The following PIK3R4 variants were observed in gnomAD, a reference collection of about 807,000 sequenced individuals.
PIK3R4 encodes the protein phosphoinositide 3-kinase regulatory subunit 4.
Under a neutral mutation model 136.5 loss-of-function variants are expected in PIK3R4, and 46 were observed. The ratio of observed to expected loss-of-function variants is 0.34; its 90% CI spans 0.27 to 0.43. The LOEUF (loss-of-function observed/expected upper bound fraction) is 0.43. PIK3R4 is among the 20% of genes least tolerant of loss of function. The probability of loss-of-function intolerance (pLI) is 1.00; values close to 1 mark genes in which losing one functional copy is unlikely to be tolerated. For missense variants in PIK3R4, 1,331 were observed against 1,649.5 expected, an observed-to-expected ratio of 0.81 and a Z score of 3.35; for synonymous variants, 557 against 566.7, an observed-to-expected ratio of 0.98 and a Z score of 0.24.
chr3:130,728,380 G>A (rs2066744431), intron 6 of PIK3R4, 83 bp downstream of exon 6: 5 of 755,850 alleles, frequency 6.6e-6, no homozygotes, highest in East Asian at 2.9e-5. Context: ...AAATTTGGTA[G>A]TATCATCTAT....
At position 130,745,193 on chromosome 3, in the gene PIK3R4, G is replaced by A; in HGVS notation, c.26C>T (p.Ala9Val). Residue 9 changes from alanine (A) to valine (V), a missense_variant, in exon 2 of 20, where the codon GCT becomes GTT. Physicochemically the swap from Ala to Val is moderately conservative, Grantham distance 64. Transcript: ENST00000356763. Reference sequence around the variant, plus strand: ...CTCTACAGAAAGGATCTGGGAGGGAGCAATGCCAGCAAGCTGATTTCCCAT... The same window carrying A: ...CTCTACAGAAAGGATCTGGGAGGGAACAATGCCAGCAAGCTGATTTCCCAT... MGNQLAGI[A>V]PSQILSVESY... is the part of the protein sequence containing the mutation. The A allele has an allele frequency of 1.2e-6, 2 of 1,603,082 alleles. No homozygotes were observed. Among genetic ancestry groups the A allele is most frequent in the Non-Finnish European group, 1.7e-6 (2 of 1,177,954 alleles).
intron 2 of PIK3R4, among the ~76,000 whole-genome samples, chr3:130,742,314 C>T (rs141244289): frequency 1.7e-3 from 258 of 152,166 alleles, no homozygotes; most frequent in South Asian, 2.7e-3. Flanking sequence ...TTGAAGTTTA[C>T]AAAACTATAA....
At position 130,683,538 on chromosome 3, in the gene PIK3R4, A is replaced by C. The variant is rs563668398; in HGVS notation, c.3607+712T>G. On this transcript the variant is annotated intron_variant, in intron 16 of 19. Coordinates refer to ENST00000356763, the MANE Select transcript of PIK3R4 (RefSeq NM_014602.3). ...CTGATCAAATGATAAGTCAAATAAG[A>C]AAAGGGCTCACAGTAATAGCCTTAG... Among the ~76,000 whole-genome samples the C allele has an allele frequency of 1.1e-4, 16 of 152,312 alleles. No individual in the cohort carries two copies. The East Asian group carries it at 2.9e-3, about 28-fold the overall frequency.
chr3:130,688,314 A>G (rs2066499787), intron 14 of PIK3R4, among the ~76,000 whole-genome samples: 1 of 152,244 alleles, frequency 6.6e-6, no homozygotes, highest in African/African-American at 2.4e-5. Flanking sequence ...TGTGAAAAAC[A>G]ACCAACTAGA....
chr3:130,739,748 G>A (rs2066810090), intron 2 of PIK3R4, among the ~76,000 whole-genome samples: 1 of 152,100 alleles, frequency 6.6e-6, no homozygotes, highest in Admixed American at 6.6e-5. Context: ...CTATAGAGGG[G>A]AGACAATTTG....
chr3:130,691,879 T>G (rs1414682131), intron 13 of PIK3R4, among the ~76,000 whole-genome samples: 3 of 144,190 alleles, frequency 2.1e-5, no homozygotes, highest in Admixed American at 2.1e-4. Flanking sequence ...TTTTTTTTTT[T>G]TTTTTTTTTT....
intron 7 of PIK3R4, among the ~76,000 whole-genome samples, chr3:130,722,951 G>C (rs2107615372): frequency 6.7e-6 from 1 of 148,388 alleles, no homozygotes; most frequent in East Asian, 2.0e-4. Context: ...TGTAACCCCA[G>C]CTACTCAGGA....
chr3:130,690,750 G>A (rs981039493), intron 13 of PIK3R4, 96 bp from the exon 14 acceptor site: 3 of 691,372 alleles, frequency 4.3e-6, no homozygotes, highest in Non-Finnish European at 7.2e-6. Flanking sequence ...ATTACTTTGG[G>A]GTCCATTTAA....
intron 5 of PIK3R4, among the ~76,000 whole-genome samples, chr3:130,729,832 A>G (rs1447960454): frequency 1.3e-5 from 2 of 152,226 alleles, no homozygotes; most frequent in Admixed American, 1.3e-4. Flanking sequence ...AAAGAGTTGT[A>G]TAACACAAAG....
At chr3:130,691,566 T>C (rs4682627) in intron 13 of PIK3R4, among the ~76,000 whole-genome samples, 31,301 of 151,952 alleles carry the variant, frequency 0.21, 3,490 homozygotes, top group South Asian at 0.36. Context: ...CCTCCATTAC[T>C]CTCCACACAG....
chr3:130,700,529 T>C (rs2066568911), intron 13 of PIK3R4, among the ~76,000 whole-genome samples: 1 of 152,020 alleles, frequency 6.6e-6, no homozygotes, highest in South Asian at 2.1e-4. Context: ...CAAGAACTAG[T>C]CCCAAAGAGA....
chr3:130,726,630 T>C (rs1280896288), intron 6 of PIK3R4, among the ~76,000 whole-genome samples: 1 of 152,072 alleles, frequency 6.6e-6, no homozygotes, highest in African/African-American at 2.4e-5. Flanking sequence ...TTAACAGACA[T>C]TGTACATGGG....
At chr3:130,741,377 C>G (rs1019316794) in intron 2 of PIK3R4, among the ~76,000 whole-genome samples, 1 of 152,318 alleles carries the variant, frequency 6.6e-6, no homozygotes, top group East Asian at 1.9e-4. Context: ...GCCCCCAGAA[C>G]TGAGAGAAAA....
chr3:130,680,939 A>G (rs2066454466), intron 18 of PIK3R4, 38 bp downstream of exon 18: 1 of 1,044,262 alleles, frequency 9.6e-7, no homozygotes, highest in Admixed American at 2.1e-5. Flanking sequence ...AACAGCTTGT[A>G]AAAGTATCCA....
At chr3:130,680,830 G>T in intron 18 of PIK3R4, 109 bp from the exon 19 acceptor site, 1 of 795,636 alleles carries the variant, frequency 1.3e-6, no homozygotes, top group East Asian at 2.6e-5. Context: ...TAGGAAAAGA[G>T]GTTTTCATAG....
chr3:130,721,294 G>A (rs924843012), intron 7 of PIK3R4, among the ~76,000 whole-genome samples: 7 of 149,210 alleles, frequency 4.7e-5, no homozygotes, highest in African/African-American at 9.9e-5. Flanking sequence ...CCAAGACGGC[G>A]CCACTGCAGT....
At chr3:130,702,699 A>G (rs899157746) in intron 13 of PIK3R4, among the ~76,000 whole-genome samples, 8 of 152,236 alleles carry the variant, frequency 5.3e-5, no homozygotes, top group Admixed American at 4.6e-4. Context: ...AAAGAGAGGG[A>G]GGACAAACTG....
chr3:130,702,955 T>C (rs1445554475), intron 13 of PIK3R4, among the ~76,000 whole-genome samples: 1 of 152,188 alleles, frequency 6.6e-6, no homozygotes, highest in African/African-American at 2.4e-5. Context: ...CAGCAAATCT[T>C]GTTATATCCA....
At chr3:130,707,839 G>C (rs1473913246) in intron 10 of PIK3R4, among the ~76,000 whole-genome samples, 1 of 152,106 alleles carries the variant, frequency 6.6e-6, no homozygotes, top group East Asian at 1.9e-4. Flanking sequence ...AGTCTTGTCT[G>C]GTCTCTACTC....
Sources: gnomAD v4.1 joint callset for allele counts (sites outside exome capture counted in the v4.1 genomes callset) on GRCh38, gnomAD v4.1.1 for gene constraint, MANE v1.5 for transcripts, NCBI Gene and HGNC (gene_info 2026-07-23, HGNC 2026-07-21) for gene names.